Variants in DMD observed in about 807,000 individuals in gnomAD.
The protein encoded by DMD is dystrophin.
In DMD, 63 loss-of-function variants were observed where a neutral mutation model predicts 330.1. The ratio of observed to expected loss-of-function variants is 0.19; its 90% CI spans 0.16 to 0.24. The LOEUF is 0.24. Among genes scored for constraint, DMD ranks in the 10% least tolerant of loss-of-function variants. The probability of loss-of-function intolerance (pLI) is 1.00; values close to 1 mark genes in which losing one functional copy is unlikely to be tolerated. For synonymous variants in DMD, 1,223 were observed against 959.8 expected (o/e 1.27, Z -5.07); for missense variants, 3,344 against 2,684.1 (o/e 1.25, Z -5.43).
chrX:33,178,935 G>A (rs2049820097), intron 1 of DMD, among the ~76,000 whole-genome samples: 1 of 112,284 alleles, frequency 8.9e-6, no homozygotes. Context: ...GTCAGTCACT[G>A]GACCCTCAGG....
chrX:31,423,427 T>A (rs759017067), intron 60 of DMD, among the ~76,000 whole-genome samples: 3 of 111,797 alleles, frequency 2.7e-5, no homozygotes, highest in Non-Finnish European at 5.6e-5. Flanking sequence ...TTTGGGCGCA[T>A]GAATGACATT....
chrX:31,713,465 A>G, intron 52 of DMD, among the ~76,000 whole-genome samples: 1 of 111,846 alleles, frequency 8.9e-6, no homozygotes, highest in East Asian at 2.8e-4. Flanking sequence ...TATTGTTGGT[A>G]CACATTTGTC....
At chrX:32,520,052 T>C (rs1435049751) in intron 17 of DMD, among the ~76,000 whole-genome samples, 3 of 111,631 alleles carry the variant, frequency 2.7e-5, no homozygotes, top group Non-Finnish European at 3.8e-5. Flanking sequence ...AACTTGAAAT[T>C]AAGAGACTAG....
intron 57 of DMD, among the ~76,000 whole-genome samples, chrX:31,494,224 G>A (rs369857816): frequency 5.5e-5 from 6 of 109,517 alleles, no homozygotes; most frequent in African/African-American, 1.0e-4. Context: ...CTGGTCATCC[G>A]GAAAAGGTAC....
At chrX:32,146,039 T>G (rs1236078724) in intron 44 of DMD, among the ~76,000 whole-genome samples, 1 of 111,339 alleles carries the variant, frequency 9.0e-6, no homozygotes, top group African/African-American at 3.3e-5. Context: ...TTACATGAAA[T>G]TGCTTTGTAA....
chrX:32,475,186 G>C (rs1358680822), intron 21 of DMD, among the ~76,000 whole-genome samples: 1 of 110,539 alleles, frequency 9.0e-6, no homozygotes. Flanking sequence ...TTTATTTCTG[G>C]GTTCTCTATT....
At chrX:32,674,887 C>A (rs1229505923) in intron 9 of DMD, among the ~76,000 whole-genome samples, 3 of 111,043 alleles carry the variant, frequency 2.7e-5, no homozygotes, top group East Asian at 5.7e-4. Context: ...CTTTACTTAG[C>A]CAACAAATTC....
chrX:32,162,197 G>A (rs7058436), intron 44 of DMD, among the ~76,000 whole-genome samples: 15,656 of 110,495 alleles, frequency 0.14, 1,607 homozygotes, highest in African/African-American at 0.36. Context: ...AAAGAAAGAA[G>A]GAAAACAATG....
At chrX:32,981,593 T>C (rs1223268973) in intron 2 of DMD, among the ~76,000 whole-genome samples, 3 of 111,782 alleles carry the variant, frequency 2.7e-5, no homozygotes, top group Admixed American at 9.6e-5. Flanking sequence ...AAATTTCAGA[T>C]ATCATTTATA....
intron 60 of DMD, among the ~76,000 whole-genome samples, chrX:31,359,207 T>G (rs1021912647): frequency 8.9e-6 from 1 of 112,592 alleles, no homozygotes; most frequent in African/African-American, 3.2e-5. Flanking sequence ...GGAAAGATTT[T>G]AATGTAGTGC....
intron 9 of DMD, among the ~76,000 whole-genome samples, chrX:32,652,489 G>A (rs954334481): frequency 2.7e-5 from 3 of 110,286 alleles, no homozygotes; most frequent in Admixed American, 9.7e-5. Context: ...TGGCTGCATA[G>A]TATTTCATGG....
chrX:32,888,491 C>T (rs1256639144), intron 2 of DMD, among the ~76,000 whole-genome samples: 2 of 111,501 alleles, frequency 1.8e-5, no homozygotes, highest in East Asian at 5.6e-4. Context: ...AATGGCTATT[C>T]TCAAAAAGAC....
chrX:32,737,997 T>C (rs1306436746), intron 7 of DMD, among the ~76,000 whole-genome samples: 2 of 111,628 alleles, frequency 1.8e-5, no homozygotes, highest in Non-Finnish European at 3.8e-5. Flanking sequence ...CGGCTTCATA[T>C]AGAGTTGATA....
At chrX:31,864,617 G>A (rs753239925) in intron 48 of DMD, among the ~76,000 whole-genome samples, 37 of 107,365 alleles carry the variant, frequency 3.4e-4, no homozygotes, top group African/African-American at 1.2e-3. Context: ...AGCCTCCCAG[G>A]TAGCTGGGAC....
intron 41 of DMD, among the ~76,000 whole-genome samples, chrX:32,334,362 T>A (rs2097695099): frequency 9.0e-6 from 1 of 111,653 alleles, no homozygotes; most frequent in South Asian, 3.7e-4. Flanking sequence ...CTTCCCAAAT[T>A]CTCCAAGGAT....
intron 43 of DMD, among the ~76,000 whole-genome samples, chrX:32,252,133 C>T (rs1456852224): frequency 9.0e-6 from 1 of 111,667 alleles, no homozygotes; most frequent in Non-Finnish European, 1.9e-5. Context: ...TTGCCACGCT[C>T]TCCCTCTCTC....
At chrX:32,160,133 G>T (rs1217019747) in intron 44 of DMD, among the ~76,000 whole-genome samples, 1 of 110,916 alleles carries the variant, frequency 9.0e-6, no homozygotes, top group African/African-American at 3.3e-5. Context: ...TGGAAATTCA[G>T]CACTATTTTG....
intron 44 of DMD, among the ~76,000 whole-genome samples, chrX:32,103,620 T>G (rs2096550499): frequency 1.8e-5 from 2 of 112,394 alleles, no homozygotes; most frequent in South Asian, 7.3e-4. Context: ...GGCACACTAT[T>G]AATAAACAGT....
chrX:32,787,213 A>AGTGTGTGTGTGTGTGT lies in DMD; in HGVS notation c.649+22264_649+22279dup, dbSNP rs72078806. Reference sequence around the variant, plus strand: ...CAACTGTGAATCAATCTCTCTGTCAAGTGTGTGTGTGTGTGTGTGTGTGTG... The same window carrying AGTGTGTGTGTGTGTGT: ...CAACTGTGAATCAATCTCTCTGTCAAGTGTGTGTGTGTGTGTGTGTGTGTGTGTGTGTGTGTGTGTG... On this transcript the variant is annotated intron_variant, in intron 7 of 78. Transcript: ENST00000357033. 4.9e-4 allele frequency among the ~76,000 whole-genome samples: 41 copies of AGTGTGTGTGTGTGTGT among 83,367 alleles called. 1 individual carries two copies. Among genetic ancestry groups the AGTGTGTGTGTGTGTGT allele is most frequent in the African/African-American group, 1.8e-3 (39 of 21,858 alleles). 72.4% of individuals were successfully genotyped at this position (83,367 alleles called of 115,157 possible).
Sources: gnomAD v4.1 joint callset for allele counts (sites outside exome capture counted in the v4.1 genomes callset) on GRCh38, gnomAD v4.1.1 for gene constraint, MANE v1.5 for transcripts, NCBI Gene and HGNC (gene_info 2026-07-23, HGNC 2026-07-21) for gene names.